The following USH2A variants were observed in gnomAD, a reference collection of about 807,000 sequenced individuals.
USH2A encodes the protein Usher syndrome 2A (autosomal recessive, mild).
Under a neutral mutation model 538.9 loss-of-function variants are expected in USH2A, and 443 were observed. That is an observed-to-expected ratio of 0.82 (90% CI 0.76 to 0.89). The LOEUF is 0.89. USH2A is among the 40% of genes least tolerant of loss of function. The pLI is 0.00. For synonymous variants in USH2A, 2,413 were observed against 2,273.5 expected, an observed-to-expected ratio of 1.06 and a Z score of -1.75; for missense variants, 6,633 against 6,324.8, an observed-to-expected ratio of 1.05 and a Z score of -1.65.
Position 215,779,875 on chromosome 1 carries a change from T to C in USH2A, c.10907A>G (p.Asp3636Gly), listed in dbSNP as rs759660121. ...CGTATGCTGTCTCCTGTCAGTGGTG[T>C]CAGTGTGGATGAGACCTTTCCCAAC... The part of the protein sequence containing the change: ...RQVGKGLIHT[D>G]TTDRRQHTVT... The change falls in exon 55 of 72, where the codon GAC becomes GGC. Residue 3636 changes from aspartate to glycine, a missense_variant. By Grantham distance (94) the Asp-to-Gly change is moderately conservative (BLOSUM62 -1). Coordinates refer to ENST00000307340, the MANE Select transcript of USH2A (RefSeq NM_206933.4). The C allele has an allele frequency of 6.2e-7, 1 of 1,614,082 alleles. No homozygotes were observed. The highest frequency in any genetic ancestry group is 1.1e-5 in the South Asian group (1 of 91,078).
chr1:216,377,981 T>A (rs1353663206), intron 3 of USH2A, among the ~76,000 whole-genome samples: 1 of 147,974 alleles, frequency 6.8e-6, no homozygotes, highest in East Asian at 2.0e-4. Flanking sequence ...GGGAGAGAAA[T>A]TTGGTGGGGC....
rs779076300 is a variant in USH2A, at chr1:216,084,781, C to G, written c.5084G>C (p.Ser1695Thr). 7 of 1,613,486 alleles carry G rather than the reference C, an allele frequency of 4.3e-6. No homozygotes were observed. The highest frequency in any genetic ancestry group is 5.9e-6 in the Non-Finnish European group (7 of 1,179,728). Reference sequence around the variant, plus strand: ...ATACACGTTGATTTGTTCTTCAGAACTCTGCCAATCCAGAGGTTCCCAAAT... The same window carrying G: ...ATACACGTTGATTTGTTCTTCAGAAGTCTGCCAATCCAGAGGTTCCCAAAT... ...SAIWEPLDWQ[S>T]SEEQINVYNS... Residue 1695 changes from serine (S) to threonine (T), a missense_variant, in exon 25 of 72, where the codon AGT (serine) becomes ACT (threonine). Transcript: ENST00000307340.
intron 4 of USH2A, among the ~76,000 whole-genome samples, chr1:216,353,363 C>T (rs569065502): frequency 4.6e-5 from 7 of 151,776 alleles, no homozygotes; most frequent in African/African-American, 1.7e-4. Flanking sequence ...CGAGATTAAA[C>T]GATGCCACAT....
chr1:215,691,499 A>C (rs556099526), intron 61 of USH2A, among the ~76,000 whole-genome samples: 1 of 152,308 alleles, frequency 6.6e-6, no homozygotes, highest in South Asian at 2.1e-4. Context: ...ATAGGTTTGC[A>C]TGAGTAACTT....
intron 21 of USH2A, among the ~76,000 whole-genome samples, chr1:216,104,196 C>T (rs2032666374): frequency 6.6e-6 from 1 of 151,962 alleles, no homozygotes; most frequent in Non-Finnish European, 1.5e-5. Context: ...AGGTATATCT[C>T]CAAATGCTTT....
At chr1:216,344,885 G>A (rs950223116) in intron 4 of USH2A, among the ~76,000 whole-genome samples, 4 of 150,800 alleles carry the variant, frequency 2.7e-5, no homozygotes, top group Non-Finnish European at 5.9e-5. Context: ...TTGGCAATAC[G>A]AGATATTAAC....
At chr1:216,143,229 G>C (rs1181779128) in intron 21 of USH2A, among the ~76,000 whole-genome samples, 1 of 152,064 alleles carries the variant, frequency 6.6e-6, no homozygotes, top group African/African-American at 2.4e-5. Flanking sequence ...TTTTATCCTT[G>C]ACAATTCTGC....
chr1:215,861,962 C>T (rs1370748384), intron 44 of USH2A, among the ~76,000 whole-genome samples: 2 of 150,108 alleles, frequency 1.3e-5, no homozygotes, highest in Non-Finnish European at 3.0e-5. Flanking sequence ...GCCTCAGTCT[C>T]CCGACTAGCT....
chr1:216,385,962 G>A (rs1042415888), intron 3 of USH2A, among the ~76,000 whole-genome samples: 1 of 152,150 alleles, frequency 6.6e-6, no homozygotes, highest in African/African-American at 2.4e-5. Flanking sequence ...CTATCATAAT[G>A]AGAAGAAATC....
chr1:216,197,620 C>T (rs2034881190), intron 18 of USH2A, among the ~76,000 whole-genome samples: 2 of 152,118 alleles, frequency 1.3e-5, no homozygotes, highest in South Asian at 4.1e-4. Flanking sequence ...AAGTTTAGAT[C>T]AGGGTTTGGG....
chr1:216,229,018 A>G (rs905571990), intron 14 of USH2A, among the ~76,000 whole-genome samples: 4 of 151,914 alleles, frequency 2.6e-5, no homozygotes, highest in African/African-American at 9.7e-5. Context: ...CTAAAAATAC[A>G]AAAAAATTAG....
intron 35 of USH2A, among the ~76,000 whole-genome samples, chr1:215,979,224 C>T (rs140089710): frequency 2.0e-3 from 301 of 152,272 alleles, no homozygotes; most frequent in African/African-American, 7.0e-3. Context: ...ATGGGAAAAA[C>T]ATGCCCCCCA....
At chr1:216,286,215 G>C (rs570268734) in intron 11 of USH2A, among the ~76,000 whole-genome samples, 3 of 152,230 alleles carry the variant, frequency 2.0e-5, no homozygotes, top group Admixed American at 2.0e-4. Flanking sequence ...GGAGGAACCA[G>C]GTGGAGATAA....
chr1:216,321,750 T>C, intron 9 of USH2A, 133 bp downstream of exon 9: 1 of 781,748 alleles, frequency 1.3e-6, no homozygotes. Context: ...AAATCTGCAA[T>C]AATTGACATT....
At chr1:216,208,190 C>A (rs1357598199) in intron 15 of USH2A, among the ~76,000 whole-genome samples, 3 of 151,568 alleles carry the variant, frequency 2.0e-5, no homozygotes, top group Non-Finnish European at 4.4e-5. Flanking sequence ...TTTTTTTCAC[C>A]AGAATACGCA....
intron 3 of USH2A, among the ~76,000 whole-genome samples, chr1:216,387,463 G>A (rs1040369341): frequency 2.0e-5 from 3 of 152,210 alleles, no homozygotes; most frequent in South Asian, 2.1e-4. Context: ...AATATTTCAC[G>A]CAAGTTAAAC....
chr1:215,689,557 A>G (rs1418693), intron 61 of USH2A, among the ~76,000 whole-genome samples: 112,241 of 152,086 alleles, frequency 0.74, 41,797 homozygotes, highest in East Asian at 0.9. Context: ...GCAAAACTCT[A>G]GGATGTCACT....
At chr1:216,033,758 C>A (rs1482937215) in intron 32 of USH2A, among the ~76,000 whole-genome samples, 1 of 152,064 alleles carries the variant, frequency 6.6e-6, no homozygotes, top group African/African-American at 2.4e-5. Context: ...ATCATTTGAG[C>A]CCAAGAGGTC....
chr1:215,723,096 C>T (rs553133405), intron 61 of USH2A, among the ~76,000 whole-genome samples: 1 of 152,200 alleles, frequency 6.6e-6, no homozygotes, highest in Non-Finnish European at 1.5e-5. Flanking sequence ...AGTTTAAGGC[C>T]TTCTAATTAA....
Sources: allele counts gnomAD v4.1 joint callset (sites outside exome capture counted in the v4.1 genomes callset), GRCh38; gene constraint gnomAD v4.1.1; transcripts MANE v1.5; gene names NCBI Gene and HGNC (gene_info 2026-07-23, HGNC 2026-07-21).